Variants in SLC14A2 observed in about 807,000 individuals in gnomAD.
SLC14A2 encodes solute carrier family 14 member 2.
SLC14A2 carries 91 observed loss-of-function variants against 104.6 expected under a neutral mutation model. The ratio of observed to expected loss-of-function variants is 0.87; its 90% CI spans 0.73 to 1.04. The LOEUF (loss-of-function observed/expected upper bound fraction) is 1.04. Ranked by LOEUF, SLC14A2 falls within the 50% of genes least tolerant of loss-of-function variation. The pLI is 0.00. For missense variants in SLC14A2, 1,189 were observed against 1,156.0 expected (o/e 1.03, Z -0.41); for synonymous variants, 476 against 466.4 (o/e 1.02, Z -0.27).
At chr18:45,667,777 A>G in intron 13 of SLC14A2, 56 bp from the exon 14 acceptor site, 1 of 1,482,462 alleles carries the variant, frequency 6.7e-7, no homozygotes. Flanking sequence ...CCATCTGCCC[A>G]CCCAGGGCTG....
chr18:45,640,106 A>G (rs763842563), intron 7 of SLC14A2, among the ~76,000 whole-genome samples: 6 of 151,958 alleles, frequency 3.9e-5, no homozygotes, highest in African/African-American at 7.3e-5. Flanking sequence ...CATCTCTACT[A>G]AAGAAAAAAA....
the SLC14A2 span, among the ~76,000 whole-genome samples, chr18:45,201,872 G>T: frequency 6.6e-6 from 1 of 152,156 alleles, no homozygotes; most frequent in South Asian, 2.1e-4. Flanking sequence ...TCAAAATGAA[G>T]AAATGTAACT....
chr18:45,344,526 C>A lies in SLC14A2; in HGVS notation c.-125+131335C>A, dbSNP rs1358396015. ...TGTTATAAATAATACAAATAAACAA[C>A]CAGATGAAGAGACACTTAGAGCAGG... On this transcript the variant is annotated intron_variant, in intron 1 of 20. Transcript: ENST00000586448. 6.6e-5 allele frequency among the ~76,000 whole-genome samples: 10 copies of A among 152,214 alleles called. No homozygotes were observed. In the East Asian group the frequency reaches 1.9e-3, roughly 29 times the overall value.
the SLC14A2 span, among the ~76,000 whole-genome samples, chr18:45,192,634 G>GTT: frequency 1.8e-5 from 2 of 112,532 alleles, no homozygotes; most frequent in African/African-American, 3.0e-5. Flanking sequence ...GTGTGTGTGT[G>GTT]TGGTTTTTTT....
At chr18:45,645,628 T>TATATATATATATATAC (rs2045610718) in intron 10 of SLC14A2, among the ~76,000 whole-genome samples, 6 of 146,786 alleles carry the variant, frequency 4.1e-5, no homozygotes, top group Admixed American at 1.4e-4. Context: ...TATATACATA[T>TATATATATATATATAC]ACAAAGATAT....
In SLC14A2 at chr18:45,381,409, C is replaced by T. The variant is rs117326126; in HGVS notation, c.-124-101824C>T. Among the ~76,000 whole-genome samples the T allele has an allele frequency of 1.1e-3, 162 of 152,294 alleles. 1 individual carries two copies. In the East Asian group the frequency reaches 0.024, roughly 23 times the overall value. On this transcript the variant is annotated intron_variant, in intron 1 of 20. Transcript: ENST00000586448. ...AGCAAATTAAGGATCAGAGAAGGGA[C>T]GACCTCTTGAACTTATTTTCTGTGG... is the stretch of plus-strand genomic sequence containing the variant.
chr18:45,394,953 GC>G (rs1169958832), intron 1 of SLC14A2, among the ~76,000 whole-genome samples: 6 of 152,308 alleles, frequency 3.9e-5, no homozygotes, highest in Non-Finnish European at 8.8e-5. Context: ...ATATGATCCA[GC>G]AATCACACTT....
intron 16 of SLC14A2, among the ~76,000 whole-genome samples, chr18:45,672,097 G>C (rs1599160055): frequency 6.6e-6 from 1 of 152,120 alleles, no homozygotes; most frequent in Admixed American, 6.5e-5. Flanking sequence ...ACCTTCTCCT[G>C]GCCGCTCCTG....
chr18:45,598,732 C>T (rs1054671874), intron 2 of SLC14A2, among the ~76,000 whole-genome samples: 1 of 152,174 alleles, frequency 6.6e-6, no homozygotes, highest in Non-Finnish European at 1.5e-5. Context: ...GACCTGGACT[C>T]TTGTCCTGAC....
At chr18:45,294,656 T>G (rs2084902765) in intron 1 of SLC14A2, among the ~76,000 whole-genome samples, 1 of 152,224 alleles carries the variant, frequency 6.6e-6, no homozygotes, top group African/African-American at 2.4e-5. Flanking sequence ...AGGTATAACT[T>G]GAAAATGATT....
chr18:45,303,990 C>T lies in SLC14A2; in HGVS notation c.-125+90799C>T, dbSNP rs111692473. ...CAACTGAAGTGTTTTTCTAATTATT[C>T]GACAACCCAACTGATGGAAGAGATG... On this transcript the variant is annotated intron_variant, in intron 1 of 20. Coordinates refer to the SLC14A2 transcript ENST00000586448. 4.8e-3 allele frequency among the ~76,000 whole-genome samples: 734 copies of T among 152,192 alleles called. 3 individuals are homozygous for T. The highest frequency in any genetic ancestry group is 7.6e-3 in the Non-Finnish European group (519 of 67,998).
intron 1 of SLC14A2, among the ~76,000 whole-genome samples, chr18:45,332,322 C>T (rs1006651959): frequency 6.6e-6 from 1 of 152,030 alleles, no homozygotes; most frequent in South Asian, 2.1e-4. Context: ...GTCGCTATTC[C>T]CTATACAACA....
At position 45,682,384 on chromosome 18, in the gene SLC14A2, C is replaced by G. The variant is rs556254338; in HGVS notation, c.2628C>G (p.Thr876=). The G allele has an allele frequency of 6.2e-7, 1 of 1,614,124 alleles. No individual in the cohort carries two copies. The highest frequency in any genetic ancestry group is 1.7e-5 in the Admixed American group (1 of 60,020). Residue 876 remains threonine, a synonymous_variant, in exon 20 of 20, where the codon ACC becomes ACG. Coordinates refer to ENST00000255226, the MANE Select transcript of SLC14A2 (RefSeq NM_007163.4). ...LSALTFLLLT[T]NNPAIYKLPL... Reference sequence around the variant, plus strand: ...CTCTCACCTTCCTGCTCCTGACGACCAATAACCCCGCCATCTACAAGCTCC... The same window carrying G: ...CTCTCACCTTCCTGCTCCTGACGACGAATAACCCCGCCATCTACAAGCTCC...
intron 1 of SLC14A2, among the ~76,000 whole-genome samples, chr18:45,283,228 G>A (rs114630464): frequency 0.013 from 1,814 of 141,174 alleles, no homozygotes; most frequent in African/African-American, 0.045. Context: ...TTCTGAACAC[G>A]TCGAGTCTCC....
chr18:45,406,581 T>C (rs1464200016), intron 1 of SLC14A2, among the ~76,000 whole-genome samples: 3 of 152,158 alleles, frequency 2.0e-5, no homozygotes, highest in Non-Finnish European at 4.4e-5. Context: ...TTTGCCCAGA[T>C]CCAACAGAGG....
chr18:45,414,760 ATATAT>A (rs1568190188), intron 1 of SLC14A2, among the ~76,000 whole-genome samples: 2,401 of 55,150 alleles, frequency 0.044, 248 homozygotes, highest in African/African-American at 0.15. Flanking sequence ...AAAAAAAAAT[ATATAT>A]ATATATATAT....
At chr18:45,392,443 G>A (rs1039676489) in intron 1 of SLC14A2, among the ~76,000 whole-genome samples, 1 of 152,148 alleles carries the variant, frequency 6.6e-6, no homozygotes, top group African/African-American at 2.4e-5. Context: ...GGTAATCAGT[G>A]CACATAATAT....
intron 1 of SLC14A2, among the ~76,000 whole-genome samples, chr18:45,390,637 T>C (rs987843041): frequency 3.9e-5 from 6 of 152,058 alleles, no homozygotes; most frequent in Non-Finnish European, 8.8e-5. Flanking sequence ...ATATATAAAG[T>C]GTTAGGAGGT....
chr18:45,220,685 G>A (rs928643023), intron 1 of SLC14A2, among the ~76,000 whole-genome samples: 1 of 152,198 alleles, frequency 6.6e-6, no homozygotes, highest in Non-Finnish European at 1.5e-5. Flanking sequence ...AAGACTTAGA[G>A]ACTGAACATG....
Sources: allele counts gnomAD v4.1 joint callset (sites outside exome capture counted in the v4.1 genomes callset), GRCh38; gene constraint gnomAD v4.1.1; transcripts MANE v1.5; gene names NCBI Gene and HGNC (gene_info 2026-07-23, HGNC 2026-07-21).